The following RNF111 variants were observed in gnomAD, a reference collection of about 807,000 sequenced individuals.
RNF111 encodes E3 ubiquitin-protein ligase Arkadia.
Under a neutral mutation model 95.1 loss-of-function variants are expected in RNF111, and 17 were observed. That is an observed-to-expected ratio of 0.18 (90% CI 0.12 to 0.27). RNF111 has a LOEUF of 0.27. Among genes scored for constraint, RNF111 ranks in the 10% least tolerant of loss-of-function variants. RNF111 has a pLI of 1.00. For synonymous variants in RNF111, 440 were observed against 414.8 expected (o/e 1.06, Z -0.74); for missense variants, 1,189 against 1,210.4 (o/e 0.98, Z 0.26).
chr15:59,081,984 T>C (rs1309779680), intron 8 of RNF111, among the ~76,000 whole-genome samples: 2 of 152,144 alleles, frequency 1.3e-5, no homozygotes, highest in African/African-American at 4.8e-5. Flanking sequence ...GGTGCAACCA[T>C]AGTTCTTTTA....
chr15:59,080,114 C>CTTTTTTT (rs1194255542), intron 7 of RNF111, among the ~76,000 whole-genome samples: 12 of 85,472 alleles, frequency 1.4e-4, no homozygotes, highest in Admixed American at 3.2e-4. Context: ...TTGTGTGCTC[C>CTTTTTTT]TTTTTTTTTT....
intron 5 of RNF111, among the ~76,000 whole-genome samples, chr15:59,062,659 A>G (rs923526551): frequency 5.9e-5 from 9 of 152,174 alleles, no homozygotes; most frequent in African/African-American, 2.2e-4. Flanking sequence ...TTTGCCTATA[A>G]TAACTCTGAT....
intron 1 of RNF111, among the ~76,000 whole-genome samples, chr15:59,023,512 A>G (rs1247282066): frequency 2.0e-5 from 3 of 148,928 alleles, no homozygotes; most frequent in Non-Finnish European, 3.0e-5. Context: ...AAAGTCATTG[A>G]TTTTTGGAGT....
chr15:58,996,701 C>G (rs1185143074), intron 1 of RNF111, among the ~76,000 whole-genome samples: 2 of 94,956 alleles, frequency 2.1e-5, no homozygotes, highest in African/African-American at 9.4e-5. Flanking sequence ...ACTGTTACAT[C>G]TTGGTATATT....
chr15:59,091,059 G>A lies in RNF111; in HGVS notation c.2644G>A (p.Glu882Lys). 1 of 1,593,956 alleles carries A rather than the reference G, an allele frequency of 6.3e-7. No homozygotes were observed. Among genetic ancestry groups the A allele is most frequent in the East Asian group, 2.2e-5 (1 of 44,582 alleles). Residue 882 changes from glutamate to lysine, a missense_variant and splice_region_variant, in exon 12 of 14, where the codon GAA becomes AAA. Around this residue, in one of 2 missense-constraint regions of RNF111, gnomAD observed 165 missense variants for 284.6 expected, o/e 0.58. Transcript: ENST00000348370. The part of the protein sequence containing the change: ...FRGPFRGNFE[E>K]LIHLEERLGN... Reference sequence around the variant, plus strand: ...CAGTCATTATATTCTTCACTTTCAGGAACTGATTCATTTGGAAGAAAGATT... The same window carrying A: ...CAGTCATTATATTCTTCACTTTCAGAAACTGATTCATTTGGAAGAAAGATT...
intron 1 of RNF111, among the ~76,000 whole-genome samples, chr15:59,004,651 A>G (rs2039459647): frequency 1.3e-5 from 2 of 152,192 alleles, no homozygotes; most frequent in South Asian, 4.1e-4. Flanking sequence ...CACTGTCTGA[A>G]TATACTGATC....
At chr15:59,030,753 G>A in intron 1 of RNF111, 51 bp from the exon 2 acceptor site, 1 of 1,281,782 alleles carries the variant, frequency 7.8e-7, no homozygotes, top group Non-Finnish European at 1.1e-6. Flanking sequence ...CAATTAAATA[G>A]TATAATAAAA....
At chr15:59,068,920 C>T (rs1325485804) in intron 6 of RNF111, among the ~76,000 whole-genome samples, 6 of 151,716 alleles carry the variant, frequency 4.0e-5, no homozygotes, top group African/African-American at 1.5e-4. Flanking sequence ...ACTAAAAATA[C>T]AAAAATTAGT....
chr15:59,030,940 C>G lies in RNF111; in HGVS notation c.118C>G (p.Pro40Ala). Residue 40 changes from proline (P) to alanine (A), a missense_variant, in exon 2 of 14, where the codon CCA (proline) becomes GCA (alanine). By Grantham distance (27) the Pro-to-Ala change is conservative (BLOSUM62 -1). This residue lies in a region of RNF111 where 1,024 missense variants were observed against 925.9 expected (regional missense o/e 1.11). Coordinates refer to ENST00000348370, the MANE Select transcript of RNF111 (RefSeq NM_017610.8). ...GAGTCTGAAAGGGATCCTTTTGCAT[C>G]CAGAGCCCATTGGGGCAGCCAAAAG... ...QESLKGILLH[P>A]EPIGAAKSFP... 1 of 1,614,204 alleles carries G rather than the reference C, an allele frequency of 6.2e-7. No individual in the cohort carries two copies. Among genetic ancestry groups the G allele is most frequent in the Non-Finnish European group, 8.5e-7 (1 of 1,180,028 alleles).
chr15:59,088,600 A>G (rs2078962833), intron 10 of RNF111, among the ~76,000 whole-genome samples: 1 of 152,324 alleles, frequency 6.6e-6, no homozygotes, highest in South Asian at 2.1e-4. Context: ...AAGATGGAAG[A>G]ATGGTGCTGT....
intron 2 of RNF111, among the ~76,000 whole-genome samples, chr15:59,045,405 G>C (rs2041661880): frequency 6.6e-6 from 1 of 151,978 alleles, no homozygotes; most frequent in African/African-American, 2.4e-5. Flanking sequence ...TGGCCAGGCT[G>C]GTCTCGATCT....
chr15:59,034,167 C>A (rs2041056346), intron 2 of RNF111, among the ~76,000 whole-genome samples: 1 of 152,096 alleles, frequency 6.6e-6, no homozygotes, highest in South Asian at 2.1e-4. Context: ...TTATCTCATT[C>A]TTCTTGACAT....
chr15:59,062,811 A>G (rs1173474929), intron 5 of RNF111, among the ~76,000 whole-genome samples: 1 of 152,184 alleles, frequency 6.6e-6, no homozygotes, highest in Non-Finnish European at 1.5e-5. Context: ...CCTTTATGCC[A>G]AGATTTCTCA....
At chr15:59,094,730 C>A in intron 13 of RNF111, 53 bp from the exon 14 acceptor site, 1 of 964,240 alleles carries the variant, frequency 1.0e-6, no homozygotes, top group Non-Finnish European at 1.7e-6. Context: ...TTGTTAACTA[C>A]GTACAATTAT....
chr15:59,052,391 G>A lies in RNF111; in HGVS notation c.967G>A (p.Asp323Asn). Residue 323 changes from aspartate (D) to asparagine (N), a missense_variant, in exon 3 of 14, where the codon GAC becomes AAC. Physicochemically the swap from Asp to Asn is conservative, Grantham distance 23. Coordinates refer to ENST00000348370, the MANE Select transcript of RNF111 (RefSeq NM_017610.8). ...ANEEINVTST[D>N]SEVEIVTVGE... ...TGAAGAAATTAATGTTACCTCAACT[G>A]ACAGTGAAGTGGAGATTGTAACAGT... 6.2e-7 allele frequency: 1 copy of A among 1,601,858 alleles called. No homozygotes were observed. The highest frequency in any genetic ancestry group is 8.5e-7 in the Non-Finnish European group (1 of 1,174,990).
intron 1 of RNF111, among the ~76,000 whole-genome samples, chr15:59,029,139 A>G (rs1451937276): frequency 6.6e-6 from 1 of 151,604 alleles, no homozygotes; most frequent in Non-Finnish European, 1.5e-5. Flanking sequence ...ATCATTTTAC[A>G]TTTCCATCAG....
intron 5 of RNF111, among the ~76,000 whole-genome samples, chr15:59,064,055 A>G (rs1421482642): frequency 1.3e-5 from 2 of 152,208 alleles, no homozygotes; most frequent in African/African-American, 4.8e-5. Context: ...TATACATATT[A>G]TAATTTATAG....
chr15:59,085,686 T>G lies in RNF111; in HGVS notation c.2451T>G (p.Thr817=). The G allele has an allele frequency of 6.2e-7, 1 of 1,613,594 alleles. No homozygotes were observed. The highest frequency in any genetic ancestry group is 8.5e-7 in the Non-Finnish European group (1 of 1,179,642). Residue 817 remains threonine, a synonymous_variant, in exon 10 of 14, where the codon ACT becomes ACG. Coordinates refer to ENST00000348370, the MANE Select transcript of RNF111 (RefSeq NM_017610.8). ...AWELGIEAGV[T]AATYTPGALH... is the part of the protein sequence containing the mutation. ...AACTGGGAATTGAAGCTGGAGTGAC[T>G]GCAGCTACTTATACACCTGGTGCAT...
At chr15:59,086,745 G>A (rs773173026) in intron 10 of RNF111, among the ~76,000 whole-genome samples, 2 of 152,168 alleles carry the variant, frequency 1.3e-5, no homozygotes, top group African/African-American at 2.4e-5. Flanking sequence ...GTAAGCTGGT[G>A]TTTCTAATTT....
Sources: allele counts gnomAD v4.1 joint callset (sites outside exome capture counted in the v4.1 genomes callset), GRCh38; gene constraint gnomAD v4.1.1; regional missense constraint gnomAD v4.1.1; transcripts MANE v1.5; gene names NCBI Gene and HGNC (gene_info 2026-07-23, HGNC 2026-07-21).